NAALAD2: variants seen among roughly 807,000 people sequenced by gnomAD.
NAALAD2 encodes the protein N-acetylated alpha-linked acidic dipeptidase 2.
In NAALAD2, 89 loss-of-function variants were observed where a neutral mutation model predicts 95.6. The ratio of observed to expected loss-of-function variants is 0.93; its 90% CI spans 0.78 to 1.11. The LOEUF is 1.11. NAALAD2 is among the 50% of genes least tolerant of loss of function. The pLI is 0.00. For synonymous variants in NAALAD2, 264 were observed against 294.4 expected (o/e 0.90, Z 1.06); for missense variants, 894 against 872.4 (o/e 1.02, Z -0.31).
At chr11:90,138,311 T>C (rs1951502462) in intron 2 of NAALAD2, among the ~76,000 whole-genome samples, 1 of 152,128 alleles carries the variant, frequency 6.6e-6, no homozygotes, top group Non-Finnish European at 1.5e-5. Flanking sequence ...TTGGTCTTGC[T>C]GTCTCAAGGA....
intron 18 of NAALAD2, among the ~76,000 whole-genome samples, chr11:90,189,100 G>A (rs1169742983): frequency 6.6e-6 from 1 of 152,076 alleles, no homozygotes; most frequent in Non-Finnish European, 1.5e-5. Flanking sequence ...GCAGGCAGGA[G>A]AGAAAGTTAG....
At chr11:90,161,119 T>C (rs1185426993) in intron 8 of NAALAD2, among the ~76,000 whole-genome samples, 1 of 152,162 alleles carries the variant, frequency 6.6e-6, no homozygotes, top group East Asian at 1.9e-4. Context: ...GTTTAGAATT[T>C]ACATATGAGA....
chr11:90,165,724 G>A (rs1418292753), intron 11 of NAALAD2, among the ~76,000 whole-genome samples: 1 of 152,040 alleles, frequency 6.6e-6, no homozygotes, highest in Admixed American at 6.5e-5. Flanking sequence ...TATTAGTTCA[G>A]GTCATTATCT....
At chr11:90,136,664 T>C (rs1184890813) in intron 2 of NAALAD2, among the ~76,000 whole-genome samples, 2 of 152,226 alleles carry the variant, frequency 1.3e-5, no homozygotes, top group Non-Finnish European at 2.9e-5. Context: ...TATGGATATA[T>C]TGCAATGTAT....
In NAALAD2 at chr11:90,192,189, T is replaced by A. The variant is rs1477600722; in HGVS notation, c.*442T>A. The A allele has an allele frequency of 6.6e-6, 1 of 152,236 alleles. No homozygotes were observed. 9.4% of individuals were successfully genotyped at this position (152,236 alleles called of 1,614,324 possible). ...ATGATCACAGCAATACTTGTATGCA[T>A]GTTCATTGCAACTTAAAAGCGTAAA... On this transcript the variant is annotated 3_prime_UTR_variant, in exon 19 of 19. Coordinates refer to ENST00000534061, the MANE Select transcript of NAALAD2 (RefSeq NM_005467.4).
intron 9 of NAALAD2, 94 bp downstream of exon 9, chr11:90,163,128 T>C: frequency 8.2e-7 from 1 of 1,216,296 alleles, no homozygotes. Context: ...TGGGGTTTTT[T>C]GGCTGATTTG....
At chr11:90,166,916 G>A (rs1952470360) in intron 11 of NAALAD2, among the ~76,000 whole-genome samples, 1 of 152,072 alleles carries the variant, frequency 6.6e-6, no homozygotes, top group Non-Finnish European at 1.5e-5. Flanking sequence ...TTGGGAGGCT[G>A]AGACAGGTGG....
chr11:90,180,075 A>C (rs1952915557), intron 16 of NAALAD2, among the ~76,000 whole-genome samples: 1 of 151,652 alleles, frequency 6.6e-6, no homozygotes. Context: ...TGATGAATGA[A>C]TGAATGAATG....
rs369002435 is a variant in NAALAD2, at chr11:90,152,297, G to A, written c.610-1G>A. 66 of 1,587,094 alleles carry A rather than the reference G, an allele frequency of 4.2e-5. No homozygotes were observed. The highest frequency in any genetic ancestry group is 5.4e-5 in the Non-Finnish European group (63 of 1,159,686). Reference sequence around the variant, plus strand: ...TTATGAATTGCACATTGCCCCTGCAGGTTAAAAATGCCATGTTAGCAGGAG... The same window carrying A: ...TTATGAATTGCACATTGCCCCTGCAAGTTAAAAATGCCATGTTAGCAGGAG... On this transcript the variant is annotated splice_acceptor_variant, in intron 5 of 18. Transcript: ENST00000534061. LOFTEE classifies it high-confidence loss of function.
At position 90,150,463 on chromosome 11, in the gene NAALAD2, T is replaced by C; in HGVS notation, c.484-19T>C. The C allele has an allele frequency of 6.6e-7, 1 of 1,518,286 alleles. No homozygotes were observed. The highest frequency in any genetic ancestry group is 1.4e-5 in the African/African-American group (1 of 71,512). 94.1% of individuals were successfully genotyped at this position (1,518,286 alleles called of 1,614,324 possible). On this transcript the variant is annotated intron_variant, in intron 4 of 18. Transcript: ENST00000534061. ...TCTTTAATTTTAGCAGTATTATATATATTTTCTTTTCCCTATAGGGAGATC... is the reference window on the plus strand; with the variant it reads ...TCTTTAATTTTAGCAGTATTATATACATTTTCTTTTCCCTATAGGGAGATC...
Position 90,168,496 on chromosome 11 carries a change from GTC to G in NAALAD2, c.1279-429_1279-428del, listed in dbSNP as rs532603683. 7.7e-4 allele frequency among the ~76,000 whole-genome samples: 117 copies of G among 152,178 alleles called. 1 individual carries two copies. Among genetic ancestry groups the G allele is most frequent in the African/African-American group, 2.6e-3 (106 of 41,484 alleles). On this transcript the variant is annotated intron_variant, in intron 11 of 18. Transcript: ENST00000534061. ...CATTCTAGCCTGGGCAACAGAGTGA[GTC>G]TCTGTCTCTAAAATAAAATAAAATA...
At chr11:90,182,265 A>G (rs1952996396) in intron 17 of NAALAD2, among the ~76,000 whole-genome samples, 1 of 152,132 alleles carries the variant, frequency 6.6e-6, no homozygotes, top group African/African-American at 2.4e-5. Context: ...TAACAAGCAT[A>G]AATTTATCCA....
chr11:90,177,888 C>T lies in NAALAD2; in HGVS notation c.1629C>T (p.His543=), dbSNP rs374278027. ...TDKYSSYPVY[H]TIYETFELVE... ...AGTACAGCAGCTACCCAGTGTACCA[C>T]ACAATTTATGAGACATTTGAATTGG... Residue 543 remains histidine, a synonymous_variant, in exon 16 of 19, where the codon CAC becomes CAT. Coordinates refer to ENST00000534061, the MANE Select transcript of NAALAD2 (RefSeq NM_005467.4). 6.2e-6 allele frequency: 10 copies of T among 1,613,494 alleles called. No individual in the cohort carries two copies. Among genetic ancestry groups the T allele is most frequent in the Non-Finnish European group, 8.5e-6 (10 of 1,179,864 alleles).
intron 2 of NAALAD2, among the ~76,000 whole-genome samples, chr11:90,137,777 T>A (rs749861809): frequency 6.6e-6 from 1 of 152,018 alleles, no homozygotes; most frequent in African/African-American, 2.4e-5. Context: ...CTAATTTTTT[T>A]ATTTTTGTTT....
At position 90,154,295 on chromosome 11, in the gene NAALAD2, C is replaced by A. The variant is rs1280763246; in HGVS notation, c.796+1811C>A. On this transcript the variant is annotated intron_variant, in intron 6 of 18. Transcript: ENST00000534061. ...GTTAGCTCTAGGTTTTTTATACATT[C>A]CCTTTGTCACAATGAGGAAGTTTAC... is the stretch of plus-strand genomic sequence containing the variant. 2.0e-5 allele frequency among the ~76,000 whole-genome samples: 3 copies of A among 151,846 alleles called. No individual in the cohort carries two copies. The East Asian group carries it at 5.8e-4, about 29-fold the overall frequency.
chr11:90,178,250 A>G (rs769711003), intron 16 of NAALAD2, 133 bp downstream of exon 16: 17 of 1,000,412 alleles, frequency 1.7e-5, no homozygotes, highest in Non-Finnish European at 2.5e-5. Context: ...TTCTACACAA[A>G]AACTTAAAAC....
chr11:90,134,595 C>T (rs1951407459), upstream of NAALAD2: 3 of 622,370 alleles, frequency 4.8e-6, no homozygotes, highest in Non-Finnish European at 2.8e-6. Context: ...TCGAGGGCCC[C>T]TGGGGACCAC....
rs370508693 is a variant in NAALAD2 at position 90,183,263 on chromosome 11, T to C, written c.2033+255T>C. 2.0e-5 allele frequency among the ~76,000 whole-genome samples: 3 copies of C among 152,288 alleles called. No homozygotes were observed. In the East Asian group the frequency reaches 5.8e-4, roughly 29 times the overall value. On this transcript the variant is annotated intron_variant, in intron 18 of 18. Coordinates refer to ENST00000534061, the MANE Select transcript of NAALAD2 (RefSeq NM_005467.4). ...TCTTTCTAACAAAATCTTCAAACTG[T>C]AGAATCTTAAAGGGAATTTTAGAGC...
At chr11:90,135,332 AGCTTC>A (rs1951427237) in intron 1 of NAALAD2, among the ~76,000 whole-genome samples, 1 of 152,188 alleles carries the variant, frequency 6.6e-6, no homozygotes, top group Admixed American at 6.5e-5. Flanking sequence ...AAAATGAAAG[AGCTTC>A]TCTTAAATAA....
Sources: gnomAD v4.1 joint callset for allele counts (sites outside exome capture counted in the v4.1 genomes callset) on GRCh38, gnomAD v4.1.1 for gene constraint, MANE v1.5 for transcripts, NCBI Gene and HGNC (gene_info 2026-07-23, HGNC 2026-07-21) for gene names.